The following SPATA6L variants were observed in gnomAD, a reference collection of about 807,000 sequenced individuals.
SPATA6L encodes spermatogenesis associated 6 like, also known as spermatogenesis associated 6-like protein.
A neutral mutation model predicts 49.2 loss-of-function variants in SPATA6L; 68 were observed. The observed-to-expected ratio is 1.38, with a 90% confidence interval of 1.14 to 1.69. The LOEUF (loss-of-function observed/expected upper bound fraction) is 1.69, where lower values mean the gene tolerates loss of function less well. Among genes scored for constraint, SPATA6L ranks in the 40% most tolerant of loss-of-function variants. The pLI is 0.00. For missense variants in SPATA6L, 668 were observed against 464.3 expected (o/e 1.44, Z -4.03); for synonymous variants, 198 against 165.7 (o/e 1.19, Z -1.50).
intron 7 of SPATA6L, among the ~76,000 whole-genome samples, chr9:4,620,268 TCCTGTGGCCTCATAAC>T (rs146245665): frequency 0.049 from 7,421 of 151,974 alleles, 279 homozygotes; most frequent in Middle Eastern, 0.088. Flanking sequence ...ACCTCCTTCC[TCCTGTGGCCTCATAAC>T]CCTGTGGCCT....
At chr9:4,649,012 C>T (rs746704475) in intron 3 of SPATA6L, among the ~76,000 whole-genome samples, 62 of 151,648 alleles carry the variant, frequency 4.1e-4, no homozygotes, top group Non-Finnish European at 8.4e-4. Context: ...TAATTCATTC[C>T]TTTTAATGGT....
downstream of SPATA6L, among the ~76,000 whole-genome samples, chr9:4,597,301 T>TA (rs1564083855): frequency 1.3e-5 from 2 of 150,126 alleles, no homozygotes; most frequent in East Asian, 3.9e-4. Flanking sequence ...TTTATATATA[T>TA]AAAAAAAGAA....
intron 4 of SPATA6L, 81 bp downstream of exon 4, chr9:4,635,194 T>A: frequency 7.1e-7 from 1 of 1,412,802 alleles, no homozygotes; most frequent in Non-Finnish European, 9.3e-7. Flanking sequence ...AAGATAAAGA[T>A]CAAACCCTGT....
At chr9:4,592,683 T>C (rs1455808205) in intron 13 of SPATA6L, among the ~76,000 whole-genome samples, 1 of 152,228 alleles carries the variant, frequency 6.6e-6, no homozygotes, top group Non-Finnish European at 1.5e-5. Context: ...ATTGGCTAGA[T>C]CTACTGCATA....
rs879140025 is a variant in SPATA6L, at chr9:4,600,483, C to A, written c.*328G>T. On this transcript the variant is annotated 3_prime_UTR_variant, in exon 12 of 12. Transcript: ENST00000682582. The stretch of plus-strand genomic sequence containing the variant: ...TTTGAGAGAGAGAGACAGAGAGAGC[C>A]AGAGAGAGCCAGAGAGAGAGAGAGG... 5.1e-5 allele frequency: 1 copy of A among 19,458 alleles called. No individual in the cohort carries two copies. Among genetic ancestry groups the A allele is most frequent in the African/African-American group, 1.7e-4 (1 of 5,888 alleles). The allele number at this position is 19,458 out of a possible 1,614,324, so 1.2% of individuals were successfully genotyped here.
intron 9 of SPATA6L, among the ~76,000 whole-genome samples, chr9:4,614,918 G>A (rs1440991826): frequency 6.6e-6 from 1 of 152,104 alleles, no homozygotes. Context: ...AGTCACTTGT[G>A]CCAACTCCTG....
intron 7 of SPATA6L, among the ~76,000 whole-genome samples, chr9:4,621,724 G>C (rs545946529): frequency 9.2e-5 from 14 of 152,166 alleles, no homozygotes; most frequent in Non-Finnish European, 2.1e-4. Context: ...CCAACCTCAG[G>C]TGATCTGCCT....
chr9:4,656,553 C>A (rs1014382948), intron 2 of SPATA6L, among the ~76,000 whole-genome samples: 1 of 152,034 alleles, frequency 6.6e-6, no homozygotes, highest in Admixed American at 6.5e-5. Context: ...TATGTAAAAT[C>A]CAGTCACATA....
At chr9:4,624,372 G>T (rs1280298733) in intron 6 of SPATA6L, among the ~76,000 whole-genome samples, 2 of 152,170 alleles carry the variant, frequency 1.3e-5, no homozygotes, top group Admixed American at 6.5e-5. Flanking sequence ...TTATTATGCT[G>T]GTGACCCAAT....
intron 3 of SPATA6L, among the ~76,000 whole-genome samples, chr9:4,653,700 A>G (rs1337353846): frequency 6.6e-6 from 1 of 152,178 alleles, no homozygotes; most frequent in Non-Finnish European, 1.5e-5. Context: ...GAAGCCCAGG[A>G]GAGAGGATCA....
intron 3 of SPATA6L, among the ~76,000 whole-genome samples, chr9:4,649,837 A>G (rs1836394832): frequency 6.6e-6 from 1 of 152,324 alleles, no homozygotes; most frequent in Admixed American, 6.5e-5. Context: ...ATATTGGGAA[A>G]TGAAATGAAA....
intron 4 of SPATA6L, chr9:4,633,654 T>G (rs894801684): frequency 1.3e-5 from 2 of 153,866 alleles, no homozygotes; most frequent in Admixed American, 1.3e-4. Flanking sequence ...CTGCAGAATA[T>G]GCGAAACTTT....
At chr9:4,622,642 T>G in intron 6 of SPATA6L, 132 bp from the exon 7 acceptor site, 1 of 613,536 alleles carries the variant, frequency 1.6e-6, no homozygotes, top group Middle Eastern at 2.6e-4. Flanking sequence ...GAAAACCACC[T>G]AGAGCACAGT....
At chr9:4,661,871 C>A in intron 2 of SPATA6L, 28 bp downstream of exon 2, 1 of 1,611,326 alleles carries the variant, frequency 6.2e-7, no homozygotes, top group Non-Finnish European at 8.5e-7. Context: ...CTTCAGACAA[C>A]AAAAGCCAAT....
rs190696662 is a variant in SPATA6L at position 4,599,982 on chromosome 9, C to T, written c.*829G>A. Reference sequence around the variant, plus strand: ...AGTCTCCCTTTATCCCAGCCCCTTCCTATTCCTGCTCCCTCACACTGTGTA... The same window carrying T: ...AGTCTCCCTTTATCCCAGCCCCTTCTTATTCCTGCTCCCTCACACTGTGTA... On this transcript the variant is annotated 3_prime_UTR_variant, in exon 12 of 12. Coordinates refer to ENST00000682582, the MANE Select transcript of SPATA6L (RefSeq NM_001353486.2). Among the ~76,000 whole-genome samples, 1 of 152,310 alleles carries T rather than the reference C, an allele frequency of 6.6e-6. No homozygotes were observed. Among genetic ancestry groups the T allele is most frequent in the Admixed American group, 6.5e-5 (1 of 15,298 alleles).
chr9:4,624,218 A>C (rs1425324030), intron 6 of SPATA6L, among the ~76,000 whole-genome samples: 7 of 152,206 alleles, frequency 4.6e-5, no homozygotes, highest in African/African-American at 2.4e-5. Flanking sequence ...TAATATAGGA[A>C]ATTTTTTTAA....
chr9:4,643,066 G>A (rs1275872272), intron 3 of SPATA6L, among the ~76,000 whole-genome samples: 1 of 152,124 alleles, frequency 6.6e-6, no homozygotes, highest in East Asian at 1.9e-4. Context: ...GGAGTGCAGT[G>A]GTGCAATCTT....
At chr9:4,622,696 G>T (rs1829605836) in intron 6 of SPATA6L, among the ~76,000 whole-genome samples, 186 bp from the exon 7 acceptor site, 1 of 152,196 alleles carries the variant, frequency 6.6e-6, no homozygotes, top group Non-Finnish European at 1.5e-5. Context: ...GAAACTGTTT[G>T]TCCTTCACTG....
chr9:4,654,309 G>T (rs1837596370), intron 3 of SPATA6L, among the ~76,000 whole-genome samples: 1 of 152,234 alleles, frequency 6.6e-6, no homozygotes, highest in Non-Finnish European at 1.5e-5. Context: ...CCCCCTCTCA[G>T]GACGTGCGAT....
Sources: allele counts gnomAD v4.1 joint callset (sites outside exome capture counted in the v4.1 genomes callset), GRCh38; gene constraint gnomAD v4.1.1; transcripts MANE v1.5; gene names NCBI Gene and HGNC (gene_info 2026-07-23, HGNC 2026-07-21).